The following DAB1 variants were observed in gnomAD, a reference collection of about 807,000 sequenced individuals.
DAB1 encodes DAB adaptor protein 1.
In DAB1, 15 loss-of-function variants were observed where a neutral mutation model predicts 64.6. The ratio of observed to expected loss-of-function variants is 0.23; its 90% CI spans 0.16 to 0.36. The LOEUF is 0.36. DAB1 is among the 10% of genes least tolerant of loss of function. DAB1 has a pLI of 1.00. For missense variants in DAB1, 596 were observed against 706.7 expected, an observed-to-expected ratio of 0.84 and a Z score of 1.78; for synonymous variants, 235 against 251.9, an observed-to-expected ratio of 0.93 and a Z score of 0.64.
intron 6 of DAB1, among the ~76,000 whole-genome samples, chr1:57,707,919 C>T (rs140878848): frequency 1.8e-4 from 28 of 152,076 alleles, no homozygotes; most frequent in Non-Finnish European, 5.9e-5. Context: ...GGGAAGAATT[C>T]CCTGGGTTAC....
intron 7 of DAB1, among the ~76,000 whole-genome samples, chr1:57,551,948 G>GA (rs902568234): frequency 8.5e-5 from 13 of 152,216 alleles, no homozygotes; most frequent in Non-Finnish European, 1.5e-5. Flanking sequence ...TCCCCTAGCA[G>GA]AAAAAAATGC....
intron 7 of DAB1, among the ~76,000 whole-genome samples, chr1:57,445,505 G>A (rs1686107555): frequency 6.6e-6 from 1 of 152,036 alleles, no homozygotes; most frequent in East Asian, 1.9e-4. Context: ...TATCTGTAAA[G>A]ACCCCAGCAT....
At chr1:58,359,960 T>A (rs1644149352) in intron 3 of DAB1, among the ~76,000 whole-genome samples, 1 of 152,184 alleles carries the variant, frequency 6.6e-6, no homozygotes, top group Non-Finnish European at 1.5e-5. Flanking sequence ...TGTTCCTCTT[T>A]CAGATGGTGG....
At chr1:57,638,862 A>ATG (rs921539365) in intron 7 of DAB1, among the ~76,000 whole-genome samples, 2 of 151,582 alleles carry the variant, frequency 1.3e-5, no homozygotes, top group East Asian at 1.9e-4. Context: ...GGGGGTGTGT[A>ATG]TGTGTGTGTG....
chr1:58,183,564 T>C (rs1026135252), intron 4 of DAB1, among the ~76,000 whole-genome samples: 1 of 152,080 alleles, frequency 6.6e-6, no homozygotes, highest in Admixed American at 6.6e-5. Context: ...AGATTGCTAC[T>C]GTTTTTTAAC....
chr1:57,319,030 T>A (rs932030435), intron 1 of DAB1, among the ~76,000 whole-genome samples: 1 of 152,146 alleles, frequency 6.6e-6, no homozygotes, highest in African/African-American at 2.4e-5. Context: ...GTGAAAGGCC[T>A]CCATGTCATC....
intron 2 of DAB1, among the ~76,000 whole-genome samples, chr1:57,277,156 G>A (rs1671531674): frequency 6.6e-6 from 1 of 152,080 alleles, no homozygotes; most frequent in Non-Finnish European, 1.5e-5. Context: ...CATTTTCCAC[G>A]ATTTTGAACT....
At chr1:58,284,773 G>T (rs1464032482) in intron 4 of DAB1, among the ~76,000 whole-genome samples, 2 of 152,194 alleles carry the variant, frequency 1.3e-5, no homozygotes, top group East Asian at 3.9e-4. Flanking sequence ...ATATAATCAT[G>T]AAGTCTCATC....
chr1:58,162,162 C>G (rs1449016660), intron 4 of DAB1, among the ~76,000 whole-genome samples: 1 of 152,136 alleles, frequency 6.6e-6, no homozygotes, highest in Non-Finnish European at 1.5e-5. Context: ...CCTTGACAGG[C>G]AGATCTTGCC....
chr1:57,266,097 A>C (rs967266872), intron 2 of DAB1, among the ~76,000 whole-genome samples: 8 of 152,232 alleles, frequency 5.3e-5, no homozygotes, highest in Non-Finnish European at 8.8e-5. Context: ...AAAAACAAGC[A>C]GAGTCATCTG....
At chr1:57,958,103 G>T (rs965317316) in intron 5 of DAB1, among the ~76,000 whole-genome samples, 7 of 151,804 alleles carry the variant, frequency 4.6e-5, no homozygotes, top group African/African-American at 1.7e-4. Context: ...TCCTGCCTCA[G>T]CCTCCCAAGT....
At chr1:57,952,480 G>A (rs1213450777) in intron 5 of DAB1, among the ~76,000 whole-genome samples, 1 of 152,148 alleles carries the variant, frequency 6.6e-6, no homozygotes, top group African/African-American at 2.4e-5. Context: ...TCCTGAGGAT[G>A]TAGGTGCAGG....
intron 4 of DAB1, among the ~76,000 whole-genome samples, chr1:58,256,705 G>A (rs1209071832): frequency 6.6e-6 from 1 of 151,880 alleles, no homozygotes; most frequent in Admixed American, 6.6e-5. Context: ...TGCAGTCATG[G>A]GCTTTTTATT....
rs147002839 is a variant in DAB1, at chr1:57,237,602, C to T, written c.67+53362G>A. Among the ~76,000 whole-genome samples, 271 of 152,328 alleles carry T rather than the reference C, an allele frequency of 1.8e-3. 2 individuals are homozygous for T. The highest frequency in any genetic ancestry group is 6.1e-3 in the African/African-American group (253 of 41,574). On this transcript the variant is annotated intron_variant, in intron 2 of 14. Coordinates refer to ENST00000371236, the MANE Select transcript of DAB1 (RefSeq NM_001365792.1). ...TCTAAGCGAAAATACAATAACCTAA[C>T]TAACTACTGTTTAATATCACTTCAT... is the stretch of plus-strand genomic sequence containing the variant.
chr1:58,310,991 C>T (rs906278986), intron 4 of DAB1, among the ~76,000 whole-genome samples: 2 of 152,116 alleles, frequency 1.3e-5, no homozygotes, highest in African/African-American at 4.8e-5. Context: ...AGCCCTCTCC[C>T]TGAGCAGTCC....
chr1:57,760,957 A>C (rs1285792781), intron 6 of DAB1, among the ~76,000 whole-genome samples: 4 of 152,208 alleles, frequency 2.6e-5, no homozygotes, highest in Non-Finnish European at 5.9e-5. Flanking sequence ...CTGTAGCAGG[A>C]GAAGGTGCAA....
chr1:57,725,895 GCACATACCTC>G (rs1271583913), intron 6 of DAB1, among the ~76,000 whole-genome samples: 1 of 152,074 alleles, frequency 6.6e-6, no homozygotes, highest in Non-Finnish European at 1.5e-5. Flanking sequence ...GGGACTACAG[GCACATACCTC>G]CACGCCTGGC....
intron 6 of DAB1, among the ~76,000 whole-genome samples, chr1:57,726,846 C>T (rs995770860): frequency 8.5e-5 from 13 of 152,196 alleles, no homozygotes; most frequent in African/African-American, 3.1e-4. Flanking sequence ...TGTAAACTAC[C>T]TCTGATGGGA....
intron 2 of DAB1, among the ~76,000 whole-genome samples, chr1:57,251,346 C>T (rs915340240): frequency 6.6e-6 from 1 of 152,198 alleles, no homozygotes; most frequent in Admixed American, 6.5e-5. Context: ...TACTGTTAAT[C>T]ATGAGTGTCC....
Sources: gnomAD v4.1 joint callset for allele counts (sites outside exome capture counted in the v4.1 genomes callset) on GRCh38, gnomAD v4.1.1 for gene constraint, MANE v1.5 for transcripts, NCBI Gene and HGNC (gene_info 2026-07-23, HGNC 2026-07-21) for gene names.